ADGRD1: variants seen among roughly 807,000 people sequenced by gnomAD.
The protein encoded by ADGRD1 is G-protein coupled receptor 133.
A neutral mutation model predicts 113.4 loss-of-function variants in ADGRD1; 77 were observed. That is an observed-to-expected ratio of 0.68 (90% CI 0.57 to 0.82). ADGRD1 has a LOEUF of 0.82. Ranked by LOEUF, ADGRD1 falls within the 40% of genes least tolerant of loss-of-function variation. The probability of loss-of-function intolerance (pLI) is 0.00; values close to 1 mark genes in which losing one functional copy is unlikely to be tolerated. For missense variants in ADGRD1, 1,036 were observed against 1,139.1 expected (o/e 0.91, Z 1.30); for synonymous variants, 474 against 475.0 (o/e 1.00, Z 0.03).
chr12:131,053,095 G>A (rs753524678), intron 13 of ADGRD1, among the ~76,000 whole-genome samples: 55 of 152,198 alleles, frequency 3.6e-4, no homozygotes, highest in Non-Finnish European at 5.6e-4. Context: ...GGCCTTTCTC[G>A]GTCAGATCGG....
At chr12:130,975,350 G>A (rs762038179) in intron 4 of ADGRD1, among the ~76,000 whole-genome samples, 2 of 152,164 alleles carry the variant, frequency 1.3e-5, no homozygotes, top group Non-Finnish European at 2.9e-5. Context: ...CAGTGAGGAC[G>A]AGGACTGAGT....
chr12:131,007,381 C>G (rs1017941824), intron 12 of ADGRD1, among the ~76,000 whole-genome samples: 1 of 152,242 alleles, frequency 6.6e-6, no homozygotes, highest in East Asian at 1.9e-4. Context: ...AACCAGGCGG[C>G]CAGCCCAAGA....
chr12:131,137,002 C>T lies in ADGRD1; in HGVS notation c.2424C>T (p.Leu808=), dbSNP rs778550654. ...QGLFIFLFHC[L]LNSEVRAAFK... is the part of the protein sequence containing the mutation. ...TGTTCATATTCCTCTTTCATTGTCT[C>T]CTGAATTCAGAGGTACGTCCGCTCT... Residue 808 remains leucine (L), a synonymous_variant, in exon 23 of 25, where the codon CTC becomes CTT. Transcript: ENST00000261654. 6.8e-6 allele frequency: 11 copies of T among 1,612,750 alleles called. No homozygotes were observed. The highest frequency in any genetic ancestry group is 6.7e-5 in the Admixed American group (4 of 60,008).
chr12:131,038,758 C>T (rs1442955473), intron 13 of ADGRD1, among the ~76,000 whole-genome samples: 1 of 152,258 alleles, frequency 6.6e-6, no homozygotes, highest in Non-Finnish European at 1.5e-5. Flanking sequence ...TGACCTTTGA[C>T]ATCAGGGTCA....
intron 3 of ADGRD1, chr12:130,967,047 T>C (rs1448340837): frequency 2.2e-6 from 1 of 455,760 alleles, no homozygotes; most frequent in Non-Finnish European, 4.4e-6. Context: ...GGCCTGAGGA[T>C]GCCTCTATGT....
intron 13 of ADGRD1, among the ~76,000 whole-genome samples, chr12:131,016,138 G>A (rs74348873): frequency 0.089 from 13,542 of 152,274 alleles, 864 homozygotes; most frequent in Admixed American, 0.19. Context: ...AGCCCTCTGC[G>A]GCCTGCACAG....
chr12:131,002,764 G>A (rs1354183927), intron 9 of ADGRD1: 1 of 1,255,878 alleles, frequency 8.0e-7, no homozygotes. Flanking sequence ...ATGGAGAAGG[G>A]GACAGAGCTG....
intron 13 of ADGRD1, among the ~76,000 whole-genome samples, chr12:131,071,732 G>A (rs982800620): frequency 5.9e-5 from 9 of 152,212 alleles, no homozygotes; most frequent in Non-Finnish European, 1.3e-4. Context: ...CCGGGTTCAA[G>A]GCTCACCAGG....
intron 13 of ADGRD1, 170 bp from the exon 14 acceptor site, chr12:131,076,631 G>C: frequency 1.5e-6 from 1 of 657,356 alleles, no homozygotes; most frequent in Non-Finnish European, 2.8e-6. Flanking sequence ...GCATGACCTG[G>C]GCCAGGTGAT....
Position 130,954,134 on chromosome 12 carries a change from C to G in ADGRD1, c.-332C>G. ...CCGCAGGACAAACAGCCTCCCGTCC[C>G]CGGGCGCAGGTCGCGGTCACAGTGG... On this transcript the variant is annotated 5_prime_UTR_variant, in exon 1 of 25. Coordinates refer to ENST00000261654, the MANE Select transcript of ADGRD1 (RefSeq NM_198827.5). This position sits in a 1 kb window ranked among gnomAD's most constrained non-coding sequence, Gnocchi z 4.7. 6.5e-6 allele frequency: 2 copies of G among 306,242 alleles called. No homozygotes were observed. Among genetic ancestry groups the G allele is most frequent in the South Asian group, 3.2e-4 (2 of 6,324 alleles). 19.0% of individuals were successfully genotyped at this position (306,242 alleles called of 1,614,324 possible).
chr12:131,015,042 A>G (rs1035983914), intron 13 of ADGRD1, among the ~76,000 whole-genome samples: 8 of 152,270 alleles, frequency 5.3e-5, no homozygotes, highest in Non-Finnish European at 1.0e-4. Flanking sequence ...GAGATTTTTC[A>G]AAGTGTTTAT....
At chr12:131,082,860 G>A (rs1886171323) in intron 14 of ADGRD1, among the ~76,000 whole-genome samples, 1 of 152,194 alleles carries the variant, frequency 6.6e-6, no homozygotes, top group Non-Finnish European at 1.5e-5. Flanking sequence ...CCCTAGAAGA[G>A]CAGATCATTA....
intron 15 of ADGRD1, among the ~76,000 whole-genome samples, chr12:131,092,527 A>ACGGTG (rs1236930774): frequency 6.6e-6 from 1 of 151,954 alleles, no homozygotes; most frequent in Non-Finnish European, 1.5e-5. Flanking sequence ...AGGGCCCGCC[A>ACGGTG]CGGTGCGCTC....
chr12:131,087,489 G>A (rs997962697), intron 15 of ADGRD1, among the ~76,000 whole-genome samples: 2 of 152,262 alleles, frequency 1.3e-5, no homozygotes, highest in African/African-American at 2.4e-5. Flanking sequence ...AAGTGGAACT[G>A]CCAAGCCCTT....
intron 21 of ADGRD1, among the ~76,000 whole-genome samples, chr12:131,133,496 G>A: frequency 6.6e-6 from 1 of 152,186 alleles, no homozygotes; most frequent in East Asian, 1.9e-4. Context: ...GCGTGCCCCG[G>A]GAGAGCATGC....
chr12:130,986,985 C>A, intron 5 of ADGRD1, 110 bp from the exon 6 acceptor site: 1 of 885,616 alleles, frequency 1.1e-6, no homozygotes, highest in Non-Finnish European at 1.8e-6. Context: ...CCACAGTTAA[C>A]AGTGATTGAT....
intron 15 of ADGRD1, among the ~76,000 whole-genome samples, chr12:131,091,292 G>A (rs965790751): frequency 3.9e-5 from 6 of 152,184 alleles, no homozygotes; most frequent in South Asian, 2.1e-4. Flanking sequence ...CAGCAAGTAA[G>A]ATGACATAAA....
rs1880052686 is a variant in ADGRD1, at chr12:131,027,106, A to G, written c.1473+12766A>G. 1 of 152,200 alleles carries G rather than the reference A, an allele frequency of 6.6e-6. No individual in the cohort carries two copies. Among genetic ancestry groups the G allele is most frequent in the South Asian group, 2.1e-4 (1 of 4,826 alleles). The allele number at this position is 152,200 out of a possible 1,614,324, so 9.4% of individuals were successfully genotyped here. On this transcript the variant is annotated intron_variant, in intron 13 of 24. Coordinates refer to ENST00000261654, the MANE Select transcript of ADGRD1 (RefSeq NM_198827.5). This position sits in a 1 kb window ranked among gnomAD's most constrained non-coding sequence, Gnocchi z 5.1. ...GGGAAAAACGGTTGATTGTGAATGA[A>G]GCAAGGTTCATTTTCTTCCCATGGT...
chr12:131,094,444 G>C (rs192440051), intron 15 of ADGRD1, among the ~76,000 whole-genome samples: 43 of 152,316 alleles, frequency 2.8e-4, no homozygotes, highest in African/African-American at 9.9e-4. Flanking sequence ...CCTGTTGATG[G>C]GGGTGGGGGT....
Sources: allele counts gnomAD v4.1 joint callset (sites outside exome capture counted in the v4.1 genomes callset), GRCh38; gene constraint gnomAD v4.1.1; non-coding constraint Gnocchi (gnomAD v3.1); transcripts MANE v1.5; gene names NCBI Gene and HGNC (gene_info 2026-07-23, HGNC 2026-07-21).